Variants in SLC22A25 observed in about 807,000 individuals in gnomAD.
The protein encoded by SLC22A25 is MGI:2442751, MGI:2385316, MGI:3042283, MGI:3645714, MGI:3605624, MGI:2442750.
SLC22A25 carries 44 observed loss-of-function variants against 45.9 expected under a neutral mutation model. The observed-to-expected ratio is 0.96, with a 90% CI of 0.75 to 1.23. The LOEUF (loss-of-function observed/expected upper bound fraction) is 1.23, where lower values mean the gene tolerates loss of function less well. Among genes scored for constraint, SLC22A25 ranks in the 50% most tolerant of loss-of-function variants. The probability of loss-of-function intolerance (pLI) is 0.00; values close to 1 mark genes in which losing one functional copy is unlikely to be tolerated. For missense variants in SLC22A25, 800 were observed against 666.4 expected (o/e 1.20, Z -2.21); for synonymous variants, 283 against 238.6 (o/e 1.19, Z -1.72).
chr11:63,227,790 G>C (rs2089991365), intron 5 of SLC22A25, among the ~76,000 whole-genome samples: 1 of 152,252 alleles, frequency 6.6e-6, no homozygotes, highest in African/African-American at 2.4e-5. Context: ...ACTTTAGCCT[G>C]TGATGGCAAG....
chr11:63,199,956 G>A (rs968397677), intron 7 of SLC22A25, among the ~76,000 whole-genome samples: 2 of 151,992 alleles, frequency 1.3e-5, no homozygotes, highest in African/African-American at 2.4e-5. Context: ...TCTCACTTCC[G>A]CTGTTCTCTG....
At chr11:63,180,887 G>T (rs908200155) in intron 8 of SLC22A25, 112 bp from the exon 9 acceptor site, 1 of 679,144 alleles carries the variant, frequency 1.5e-6, no homozygotes, top group Non-Finnish European at 2.5e-6. Flanking sequence ...TTTCTGTCTA[G>T]CAGAAAATAC....
At chr11:63,182,855 C>T (rs1482804261) in intron 8 of SLC22A25, among the ~76,000 whole-genome samples, 1 of 152,086 alleles carries the variant, frequency 6.6e-6, no homozygotes, top group Non-Finnish European at 1.5e-5. Flanking sequence ...TCTCCTGTTT[C>T]AGTAAAATAA....
chr11:63,196,597 G>A (rs2089041912), intron 7 of SLC22A25, among the ~76,000 whole-genome samples: 1 of 152,090 alleles, frequency 6.6e-6, no homozygotes, highest in African/African-American at 2.4e-5. Flanking sequence ...GTATTGATGG[G>A]CTGTATCTCA....
chr11:63,214,783 G>A (rs557547830), intron 7 of SLC22A25, among the ~76,000 whole-genome samples: 332 of 149,128 alleles, frequency 2.2e-3, no homozygotes, highest in Non-Finnish European at 3.2e-3. Context: ...CTTTGTTCAG[G>A]GCTCAGTCCT....
intron 3 of SLC22A25, among the ~76,000 whole-genome samples, chr11:63,232,189 T>A (rs2090081193): frequency 6.6e-6 from 1 of 152,214 alleles, no homozygotes; most frequent in Non-Finnish European, 1.5e-5. Context: ...GGTAGCTTGA[T>A]GGGGATGGCA....
At chr11:63,183,487 A>G (rs758598776) in intron 8 of SLC22A25, among the ~76,000 whole-genome samples, 2 of 152,126 alleles carry the variant, frequency 1.3e-5, no homozygotes, top group African/African-American at 2.4e-5. Context: ...TCTGTTGAGT[A>G]AAATATCTGT....
intron 7 of SLC22A25, among the ~76,000 whole-genome samples, chr11:63,194,946 G>C (rs1293325808): frequency 8.8e-6 from 1 of 113,704 alleles, no homozygotes; most frequent in Non-Finnish European, 1.8e-5. Flanking sequence ...AGCAGGGGTT[G>C]CAATCCTAGT....
intron 7 of SLC22A25, among the ~76,000 whole-genome samples, chr11:63,192,067 T>G (rs1380695584): frequency 4.0e-5 from 6 of 151,888 alleles, no homozygotes; most frequent in African/African-American, 1.2e-4. Context: ...ATAGAAAAAA[T>G]GTTAAATGCA....
intron 7 of SLC22A25, among the ~76,000 whole-genome samples, chr11:63,186,856 GAT>G (rs2088572142): frequency 1.3e-5 from 2 of 152,062 alleles, no homozygotes; most frequent in African/African-American, 2.4e-5. Flanking sequence ...GATAGTTGTA[GAT>G]ATGTGGCATT....
chr11:63,225,820 A>T (rs978685721), intron 5 of SLC22A25, among the ~76,000 whole-genome samples: 1 of 151,742 alleles, frequency 6.6e-6, no homozygotes, highest in South Asian at 2.1e-4. Context: ...CCTTCTTTTT[A>T]ATTCTTTTCA....
At position 63,159,699 on chromosome 11, in the gene SLC22A25, AC is replaced by A. The variant is rs1180416854; in HGVS notation, c.*4124del. ...CCACAAATGTGGAAGCAACTTTGGA[AC>A]TGGGGCAATATTTGGAGGGCTCAGA... On this transcript the variant is annotated 3_prime_UTR_variant, in exon 12 of 12. Coordinates refer to ENST00000306494, the MANE Select transcript of SLC22A25 (RefSeq NM_199352.6). Among the ~76,000 whole-genome samples the A allele has an allele frequency of 1.7e-4, 1 of 5,896 alleles. No individual in the cohort carries two copies. The highest frequency in any genetic ancestry group is 0.013 in the Non-Finnish European group (1 of 76). The allele number at this position is 5,896 out of a possible 152,430, so 3.9% of individuals were successfully genotyped here.
At chr11:63,236,084 GT>G (rs1369822470) in intron 3 of SLC22A25, among the ~76,000 whole-genome samples, 5 of 152,214 alleles carry the variant, frequency 3.3e-5, no homozygotes, top group African/African-American at 9.6e-5. Flanking sequence ...AGGCTACTTG[GT>G]GTTCAGGGAC....
intron 5 of SLC22A25, among the ~76,000 whole-genome samples, chr11:63,226,732 G>T (rs1458772841): frequency 6.6e-6 from 1 of 152,188 alleles, no homozygotes; most frequent in African/African-American, 2.4e-5. Context: ...CTTTCAGGGT[G>T]GCAAGTTCCC....
At chr11:63,189,459 C>T (rs2088706933) in intron 7 of SLC22A25, among the ~76,000 whole-genome samples, 2 of 152,152 alleles carry the variant, frequency 1.3e-5, no homozygotes, top group Admixed American at 6.5e-5. Flanking sequence ...ACATGGGTCT[C>T]CTGAATACAG....
In SLC22A25 at chr11:63,203,039, A is replaced by G. The variant is rs1434826789; in HGVS notation, c.830+14275T>C. On this transcript the variant is annotated intron_variant, in intron 7 of 11. Transcript: ENST00000306494. ...CAGGGTCTGGAGTGGACCTCCAGCA[A>G]ATGCCATCAGACCTGCGGCAGAGGG... Among the ~76,000 whole-genome samples the G allele has an allele frequency of 2.6e-5, 4 of 152,190 alleles. No homozygotes were observed. In the East Asian group the frequency reaches 7.7e-4, roughly 29 times the overall value.
At chr11:63,207,921 C>T (rs2089451200) in intron 7 of SLC22A25, among the ~76,000 whole-genome samples, 1 of 152,130 alleles carries the variant, frequency 6.6e-6, no homozygotes, top group South Asian at 2.1e-4. Context: ...CTCCCCCTAC[C>T]CCACGAAATG....
intron 7 of SLC22A25, among the ~76,000 whole-genome samples, chr11:63,213,707 G>T (rs547568765): frequency 6.6e-6 from 1 of 152,176 alleles, no homozygotes; most frequent in Non-Finnish European, 1.5e-5. Context: ...CCGATTGGAA[G>T]GGCAGTGGGT....
In SLC22A25 at chr11:63,219,068, T is replaced by C. The variant is rs118161563; in HGVS notation, c.507-1333A>G. On this transcript the variant is annotated intron_variant, in intron 5 of 11. Transcript: ENST00000306494. ...GTAAGCTTAATATAGAAAAAGACAATTACCTTCATATATAGTAGCTATGAC... is the reference window on the plus strand; with the variant it reads ...GTAAGCTTAATATAGAAAAAGACAACTACCTTCATATATAGTAGCTATGAC... 5.1e-3 allele frequency among the ~76,000 whole-genome samples: 772 copies of C among 152,258 alleles called. 2 individuals are homozygous for C. The highest frequency in any genetic ancestry group is 8.1e-3 in the Non-Finnish European group (554 of 68,016).
Sources: gnomAD v4.1 joint callset for allele counts (sites outside exome capture counted in the v4.1 genomes callset) on GRCh38, gnomAD v4.1.1 for gene constraint, MANE v1.5 for transcripts, NCBI Gene and HGNC (gene_info 2026-07-23, HGNC 2026-07-21) for gene names.